Variants in MTUS1 observed in about 807,000 individuals in gnomAD.
MTUS1 encodes the protein microtubule-associated tumor suppressor 1.
In MTUS1, 109 loss-of-function variants were observed where a neutral mutation model predicts 120.8. That is an observed-to-expected ratio of 0.90 (90% CI 0.77 to 1.06). The LOEUF is 1.06. Among genes scored for constraint, MTUS1 ranks in the 50% least tolerant of loss-of-function variants. The pLI is 0.00. For missense variants in MTUS1, 2,210 were observed against 1,486.3 expected, an observed-to-expected ratio of 1.49 and a Z score of -8.01; for synonymous variants, 737 against 550.5, an observed-to-expected ratio of 1.34 and a Z score of -4.74.
intron 13 of MTUS1, among the ~76,000 whole-genome samples, chr8:17,648,108 T>A (rs1262283550): frequency 6.6e-6 from 1 of 152,204 alleles, no homozygotes; most frequent in African/African-American, 2.4e-5. Context: ...AAATATCTCA[T>A]CCTAGGGAAA....
chr8:17,658,498 G>A (rs1386642738), intron 8 of MTUS1, among the ~76,000 whole-genome samples: 2 of 152,134 alleles, frequency 1.3e-5, no homozygotes, highest in South Asian at 4.1e-4. Context: ...GACATTCCCA[G>A]TCTTCTGTCA....
chr8:17,652,376 C>T (rs1050286281), intron 12 of MTUS1, among the ~76,000 whole-genome samples: 4 of 152,110 alleles, frequency 2.6e-5, no homozygotes, highest in Non-Finnish European at 5.9e-5. Flanking sequence ...ACTAAGTAAA[C>T]GACGCCAGTC....
At chr8:17,704,062 T>A (rs1017714524) in intron 6 of MTUS1, 1 of 152,666 alleles carries the variant, frequency 6.6e-6, no homozygotes, top group Non-Finnish European at 1.5e-5. Context: ...GTACTCTTTC[T>A]CTTTATTTCT....
At chr8:17,722,131 T>C (rs767288015) in intron 4 of MTUS1, 105 of 1,236,396 alleles carry the variant, frequency 8.5e-5, no homozygotes, top group Non-Finnish European at 1.0e-4. Context: ...AGACAGGCTC[T>C]GTGGGTGTAT....
intron 3 of MTUS1, among the ~76,000 whole-genome samples, chr8:17,737,541 T>G (rs559603836): frequency 6.6e-6 from 1 of 152,332 alleles, no homozygotes; most frequent in South Asian, 2.1e-4. Flanking sequence ...TAGCCTGAAG[T>G]GCAGTGGTAC....
At chr8:17,718,406 C>T (rs924437496) in intron 4 of MTUS1, among the ~76,000 whole-genome samples, 1 of 152,172 alleles carries the variant, frequency 6.6e-6, no homozygotes, top group Non-Finnish European at 1.5e-5. Flanking sequence ...CCTAGCTGTG[C>T]TGAATCACCT....
intron 6 of MTUS1, among the ~76,000 whole-genome samples, chr8:17,693,086 C>T (rs1230457561): frequency 6.6e-6 from 1 of 152,142 alleles, no homozygotes; most frequent in African/African-American, 2.4e-5. Flanking sequence ...GCAATTAATA[C>T]AAGAATTTCC....
intron 6 of MTUS1, among the ~76,000 whole-genome samples, chr8:17,693,996 T>C (rs1817471991): frequency 6.6e-6 from 1 of 152,240 alleles, no homozygotes; most frequent in African/African-American, 2.4e-5. Flanking sequence ...AGTCAACATC[T>C]TAGGCTGGAT....
At chr8:17,667,310 T>C (rs1373234127) in intron 8 of MTUS1, among the ~76,000 whole-genome samples, 5 of 152,208 alleles carry the variant, frequency 3.3e-5, no homozygotes, top group Admixed American at 6.5e-5. Context: ...AGTATATTAA[T>C]AGATTTTTCA....
chr8:17,738,231 C>G (rs925603662), intron 3 of MTUS1, among the ~76,000 whole-genome samples: 4 of 152,216 alleles, frequency 2.6e-5, no homozygotes, highest in African/African-American at 9.6e-5. Flanking sequence ...GGACATTCTT[C>G]TCATGGGGCC....
intron 6 of MTUS1, among the ~76,000 whole-genome samples, chr8:17,689,736 G>T (rs1232853085): frequency 6.6e-6 from 1 of 152,072 alleles, no homozygotes; most frequent in African/African-American, 2.4e-5. Context: ...AAAGCCACAT[G>T]CTTACAGCTA....
chr8:17,766,561 AG>A (rs1485939976), intron 1 of MTUS1, among the ~76,000 whole-genome samples: 1 of 152,220 alleles, frequency 6.6e-6, no homozygotes, highest in Admixed American at 6.5e-5. Context: ...AGTATTTGTG[AG>A]GCAATCTATG....
chr8:17,728,467 GTATT>G (rs2046357331), intron 3 of MTUS1, among the ~76,000 whole-genome samples: 1 of 152,222 alleles, frequency 6.6e-6, no homozygotes, highest in Admixed American at 6.5e-5. Flanking sequence ...TCTTACACAA[GTATT>G]TATGTGCTTA....
At chr8:17,759,971 G>A (rs1342149441) in intron 1 of MTUS1, among the ~76,000 whole-genome samples, 1 of 151,768 alleles carries the variant, frequency 6.6e-6, no homozygotes, top group Non-Finnish European at 1.5e-5. Context: ...CACTTTGGGA[G>A]GCTGAGGCAG....
At chr8:17,659,472 A>G in intron 8 of MTUS1, among the ~76,000 whole-genome samples, 1 of 152,240 alleles carries the variant, frequency 6.6e-6, no homozygotes, top group African/African-American at 2.4e-5. Context: ...CGAAGCGTGC[A>G]GATCATGAGG....
chr8:17,778,647 A>G (rs961931299), intron 1 of MTUS1, among the ~76,000 whole-genome samples: 1 of 151,996 alleles, frequency 6.6e-6, no homozygotes. Context: ...GTCTCTACCA[A>G]AAAATCCAAA....
intron 6 of MTUS1, chr8:17,692,004 A>T (rs1308073155): frequency 1.3e-5 from 2 of 152,238 alleles, no homozygotes; most frequent in Non-Finnish European, 2.9e-5. Flanking sequence ...GTTTAATGGA[A>T]CCATTACACA....
Position 17,721,561 on chromosome 8 carries a change from A to G in MTUS1, c.2449+2111T>C, listed in dbSNP as rs898821166. The G allele has an allele frequency of 5.4e-6, 5 of 931,764 alleles. No individual in the cohort carries two copies. In the African/African-American group the frequency reaches 8.4e-5, roughly 16 times the overall value. 57.7% of individuals were successfully genotyped at this position (931,764 alleles called of 1,614,324 possible). On this transcript the variant is annotated intron_variant, in intron 4 of 14. Transcript: ENST00000693296. ...ATTGGTCCTACACAGAAGCATTCAC[A>G]TCTTAAATATACATACAAAATGCCC...
At chr8:17,767,700 T>TAAGAAAAAAAAAAAAAA (rs1554533204) in intron 1 of MTUS1, among the ~76,000 whole-genome samples, 7 of 87,874 alleles carry the variant, frequency 8.0e-5, no homozygotes, top group African/African-American at 3.1e-4. Flanking sequence ...CCCTGTCTCT[T>TAAGAAAAAAAAAAAAAA]AAAAAAAAAA....
Sources: allele counts gnomAD v4.1 joint callset (sites outside exome capture counted in the v4.1 genomes callset), GRCh38; gene constraint gnomAD v4.1.1; transcripts MANE v1.5; gene names NCBI Gene and HGNC (gene_info 2026-07-23, HGNC 2026-07-21).